Variants in PTCHD4 observed in about 807,000 individuals in gnomAD.
PTCHD4 encodes patched domain containing 4, also known as patched domain-containing protein 4.
In PTCHD4, 33 loss-of-function variants were observed where a neutral mutation model predicts 58.1. The observed-to-expected ratio is 0.57, with a 90% CI of 0.43 to 0.76. PTCHD4 has a LOEUF of 0.76. Among genes scored for constraint, PTCHD4 ranks in the 30% least tolerant of loss-of-function variants. PTCHD4 has a pLI of 0.00. For synonymous variants in PTCHD4, 478 were observed against 409.6 expected (o/e 1.17, Z -2.02); for missense variants, 1,058 against 1,027.1 (o/e 1.03, Z -0.41).
chr6:48,051,830 C>T (rs141549460), intron 3 of PTCHD4, among the ~76,000 whole-genome samples: 1 of 151,948 alleles, frequency 6.6e-6, no homozygotes, highest in East Asian at 1.9e-4. Context: ...CAAGTAAAGC[C>T]CATTTTTTAA....
intron 4 of PTCHD4, among the ~76,000 whole-genome samples, chr6:47,953,643 C>T (rs1287457856): frequency 1.3e-5 from 2 of 151,940 alleles, no homozygotes; most frequent in African/African-American, 4.8e-5. Context: ...AGAATGAAGC[C>T]ACGTGTATCT....
At chr6:48,030,785 T>G (rs1258692833) in intron 3 of PTCHD4, among the ~76,000 whole-genome samples, 4 of 152,154 alleles carry the variant, frequency 2.6e-5, no homozygotes, top group African/African-American at 9.6e-5. Context: ...CTAGAAATCT[T>G]CTCTACTGAC....
chr6:48,022,744 G>A (rs1022972250), intron 3 of PTCHD4, among the ~76,000 whole-genome samples: 3 of 152,066 alleles, frequency 2.0e-5, no homozygotes, highest in Admixed American at 6.6e-5. Flanking sequence ...GCACCTCAAT[G>A]CCTTTGGAAG....
chr6:48,057,190 G>GTTTTTTTTTT (rs759146154), intron 3 of PTCHD4, among the ~76,000 whole-genome samples: 3 of 143,906 alleles, frequency 2.1e-5, no homozygotes, highest in African/African-American at 2.6e-5. Flanking sequence ...GTTTTTTTTT[G>GTTTTTTTTTT]TTTTTTTTGT....
rs1257159826 is a variant in PTCHD4 at position 47,859,829 on chromosome 6, G to A, written c.*18474C>T. Among the ~76,000 whole-genome samples the A allele has an allele frequency of 6.6e-6, 1 of 152,014 alleles. No individual in the cohort carries two copies. The highest frequency in any genetic ancestry group is 1.5e-5 in the Non-Finnish European group (1 of 67,974). ...AAAAAGATGTGAGGGAGGAAGATCTGTGGCTAACTGGGGGAAGAAGAGCAT... is the reference window on the plus strand; with the variant it reads ...AAAAAGATGTGAGGGAGGAAGATCTATGGCTAACTGGGGGAAGAAGAGCAT... On this transcript the variant is annotated 3_prime_UTR_variant, in exon 5 of 5. Transcript: ENST00000339488.
At chr6:47,902,144 C>A (rs528524068) in intron 4 of PTCHD4, among the ~76,000 whole-genome samples, 1 of 152,146 alleles carries the variant, frequency 6.6e-6, no homozygotes, top group Non-Finnish European at 1.5e-5. Flanking sequence ...TATGGATGTA[C>A]TCCATTTTAA....
rs1442457963 is a variant in PTCHD4 at position 48,068,638 on chromosome 6, C to A, written c.9G>T (p.Arg3=). 1.9e-6 allele frequency: 3 copies of A among 1,547,126 alleles called. No individual in the cohort carries two copies. Among genetic ancestry groups the A allele is most frequent in the East Asian group, 4.8e-5 (2 of 41,346 alleles). The part of the protein sequence containing the change: MR[R]PGAPASWIWW... Reference sequence around the variant, plus strand: ...AGATCCAGCTCGCAGGCGCTCCCGGCCGTCTTAAAAAGCACATGTGACATG... The same window carrying A: ...AGATCCAGCTCGCAGGCGCTCCCGGACGTCTTAAAAAGCACATGTGACATG... The change falls in exon 3 of 5, where the codon CGG becomes CGT. Residue 3 remains arginine, a synonymous_variant. Coordinates refer to ENST00000339488, the MANE Select transcript of PTCHD4 (RefSeq NM_001384253.1). This position sits in a 1 kb window ranked among gnomAD's most constrained non-coding sequence, Gnocchi z 4.2.
At chr6:47,956,965 A>C (rs1353171532) in intron 4 of PTCHD4, among the ~76,000 whole-genome samples, 1 of 151,868 alleles carries the variant, frequency 6.6e-6, no homozygotes, top group East Asian at 2.0e-4. Context: ...GGAGTTCGAG[A>C]CCAGCCTGGC....
intron 4 of PTCHD4, among the ~76,000 whole-genome samples, chr6:48,007,934 G>GCA (rs771135094): frequency 0.034 from 1,825 of 52,998 alleles, 35 homozygotes; most frequent in African/African-American, 0.11. Context: ...ATGTGCGCGC[G>GCA]CGCACACACA....
intron 3 of PTCHD4, among the ~76,000 whole-genome samples, chr6:48,061,153 T>C (rs1291312789): frequency 6.6e-6 from 1 of 152,236 alleles, no homozygotes; most frequent in African/African-American, 2.4e-5. Context: ...AACTAAGGTT[T>C]AATGCTGCCA....
chr6:48,101,448 T>G (rs1765600338), intron 1 of PTCHD4, among the ~76,000 whole-genome samples: 1 of 152,178 alleles, frequency 6.6e-6, no homozygotes, highest in Non-Finnish European at 1.5e-5. Context: ...ATAGGGGATG[T>G]TAACACTTCC....
At chr6:47,940,292 T>G (rs1766163038) in intron 4 of PTCHD4, among the ~76,000 whole-genome samples, 1 of 152,220 alleles carries the variant, frequency 6.6e-6, no homozygotes, top group African/African-American at 2.4e-5. Flanking sequence ...ATCTAGATTA[T>G]GTTTCCTGCA....
chr6:48,085,001 C>G (rs900378400), intron 1 of PTCHD4, among the ~76,000 whole-genome samples: 4 of 151,722 alleles, frequency 2.6e-5, no homozygotes, highest in Non-Finnish European at 5.9e-5. Flanking sequence ...GCCTCGGCCT[C>G]CCAAAGTGCT....
chr6:47,986,245 T>C (rs553990983), intron 4 of PTCHD4, among the ~76,000 whole-genome samples: 1 of 152,266 alleles, frequency 6.6e-6, no homozygotes, highest in East Asian at 1.9e-4. Flanking sequence ...AAATTATCTA[T>C]GTATCATTGT....
intron 3 of PTCHD4, among the ~76,000 whole-genome samples, chr6:48,009,347 G>A (rs1312730470): frequency 2.0e-5 from 3 of 152,152 alleles, no homozygotes; most frequent in African/African-American, 7.2e-5. Flanking sequence ...AGCTACAGAA[G>A]AATTGCCACA....
chr6:47,914,132 T>C (rs544955822), intron 4 of PTCHD4, among the ~76,000 whole-genome samples: 1 of 152,194 alleles, frequency 6.6e-6, no homozygotes. Flanking sequence ...TGGTATTATA[T>C]ACACAAAATA....
Position 48,068,821 on chromosome 6 carries a change from C to G in PTCHD4, c.5+132G>C. 2 of 617,376 alleles carry G rather than the reference C, an allele frequency of 3.2e-6. No homozygotes were observed. The highest frequency in any genetic ancestry group is 5.5e-6 in the Non-Finnish European group (2 of 361,314). The allele number at this position is 617,376 out of a possible 1,614,324, so 38.2% of individuals were successfully genotyped here. A position where few individuals can be genotyped will look rare whatever the true frequency, so the allele number is the denominator to read the frequency against. On this transcript the variant is annotated intron_variant, in intron 2 of 4. Coordinates refer to ENST00000339488, the MANE Select transcript of PTCHD4 (RefSeq NM_001384253.1). This position sits in a 1 kb window ranked among gnomAD's most constrained non-coding sequence, Gnocchi z 4.2. ...CCTCCATGCGCTCCTACTACTCTTTCAAACACTGCAGCAAGTTGCAGCAAG... is the reference window on the plus strand; with the variant it reads ...CCTCCATGCGCTCCTACTACTCTTTGAAACACTGCAGCAAGTTGCAGCAAG...
chr6:48,015,378 G>C (rs1159891778), intron 3 of PTCHD4, among the ~76,000 whole-genome samples: 2 of 152,000 alleles, frequency 1.3e-5, no homozygotes, highest in African/African-American at 4.8e-5. Flanking sequence ...GAATACAACA[G>C]ATGCCTCTTG....
intron 4 of PTCHD4, among the ~76,000 whole-genome samples, chr6:47,939,956 G>T (rs1766148041): frequency 6.6e-6 from 1 of 151,982 alleles, no homozygotes; most frequent in Non-Finnish European, 1.5e-5. Context: ...GAAATTTTAA[G>T]ATCTGACTCC....
Sources: allele counts gnomAD v4.1 joint callset (sites outside exome capture counted in the v4.1 genomes callset), GRCh38; gene constraint gnomAD v4.1.1; non-coding constraint Gnocchi (gnomAD v3.1); transcripts MANE v1.5; gene names NCBI Gene and HGNC (gene_info 2026-07-23, HGNC 2026-07-21).